Variants in CPNE4 observed in about 807,000 individuals in gnomAD.
CPNE4 encodes copine 4.
Under a neutral mutation model 67.9 loss-of-function variants are expected in CPNE4, and 25 were observed. That is an observed-to-expected ratio of 0.37 (90% CI 0.27 to 0.51). The LOEUF (loss-of-function observed/expected upper bound fraction) is 0.51, where lower values mean the gene tolerates loss of function less well. Among genes scored for constraint, CPNE4 ranks in the 20% least tolerant of loss-of-function variants. The pLI is 0.93. For missense variants in CPNE4, 464 were observed against 690.8 expected, an observed-to-expected ratio of 0.67 and a Z score of 3.68; for synonymous variants, 242 against 244.9, an observed-to-expected ratio of 0.99 and a Z score of 0.11.
At chr3:132,009,824 A>G (rs1023838709) in intron 1 of CPNE4, among the ~76,000 whole-genome samples, 6 of 152,226 alleles carry the variant, frequency 3.9e-5, no homozygotes, top group Admixed American at 3.3e-4. Context: ...GTTGTTAACA[A>G]CTGAGTTGGG....
chr3:131,945,398 G>A (rs1314201186), intron 1 of CPNE4, among the ~76,000 whole-genome samples: 7 of 152,158 alleles, frequency 4.6e-5, no homozygotes, highest in African/African-American at 1.4e-4. Context: ...TATACCTTCT[G>A]ATCCATACCA....
At chr3:131,906,077 AG>A (rs911637281) in intron 1 of CPNE4, among the ~76,000 whole-genome samples, 4 of 152,252 alleles carry the variant, frequency 2.6e-5, no homozygotes, top group African/African-American at 9.6e-5. Flanking sequence ...CAGAATCAAA[AG>A]GGGGAAAGTG....
chr3:131,738,054 A>T (rs2082278654), intron 2 of CPNE4, among the ~76,000 whole-genome samples: 2 of 151,666 alleles, frequency 1.3e-5, no homozygotes, highest in African/African-American at 4.9e-5. Flanking sequence ...ATCCTAATGC[A>T]TAGAGTCCAG....
At chr3:131,935,904 A>T (rs2071205321) in intron 1 of CPNE4, among the ~76,000 whole-genome samples, 1 of 152,038 alleles carries the variant, frequency 6.6e-6, no homozygotes, top group Non-Finnish European at 1.5e-5. Flanking sequence ...TATAGAGGAT[A>T]TGTGGATTCA....
chr3:131,745,823 C>A (rs1023597694), intron 2 of CPNE4, among the ~76,000 whole-genome samples: 2 of 152,098 alleles, frequency 1.3e-5, no homozygotes, highest in African/African-American at 4.8e-5. Flanking sequence ...TGAGACAGAG[C>A]AAACTAATTC....
intron 2 of CPNE4, among the ~76,000 whole-genome samples, chr3:131,841,967 G>C (rs1028623699): frequency 6.6e-6 from 1 of 152,168 alleles, no homozygotes; most frequent in African/African-American, 2.4e-5. Context: ...TAAAACAGCA[G>C]TGCTGAAACA....
At chr3:131,656,269 G>C (rs2079962835) in intron 7 of CPNE4, among the ~76,000 whole-genome samples, 1 of 152,100 alleles carries the variant, frequency 6.6e-6, no homozygotes. Context: ...GAAGTTCTCT[G>C]AGACATGACA....
At chr3:131,839,774 G>A (rs1451565402) in intron 2 of CPNE4, among the ~76,000 whole-genome samples, 3 of 152,118 alleles carry the variant, frequency 2.0e-5, no homozygotes, top group Admixed American at 2.0e-4. Flanking sequence ...TGAAAGTGAA[G>A]AGAACTGGCA....
At chr3:131,686,632 G>C (rs533214391) in intron 5 of CPNE4, among the ~76,000 whole-genome samples, 25 of 152,298 alleles carry the variant, frequency 1.6e-4, no homozygotes, top group African/African-American at 5.3e-4. Flanking sequence ...CTTGGGTATA[G>C]TCCTAAAAGG....
chr3:132,037,736 T>C (rs2107711480), upstream of CPNE4: 4 of 740,670 alleles, frequency 5.4e-6, no homozygotes, highest in Non-Finnish European at 9.2e-6. Flanking sequence ...AGAGGAGGCA[T>C]CCGCTCAGTG....
At chr3:131,820,490 C>T (rs1026747) in intron 2 of CPNE4, among the ~76,000 whole-genome samples, 32,812 of 152,184 alleles carry the variant, frequency 0.22, 3,822 homozygotes, top group Admixed American at 0.33. Flanking sequence ...GCCAGTTAAC[C>T]GCATTCTCAG....
chr3:131,584,593 G>A (rs953736573), intron 8 of CPNE4, among the ~76,000 whole-genome samples: 2 of 151,886 alleles, frequency 1.3e-5, no homozygotes, highest in African/African-American at 4.8e-5. Flanking sequence ...GATCTCCCTT[G>A]TCTCTCTTTA....
At chr3:131,681,544 C>T (rs1430620906) in intron 6 of CPNE4, among the ~76,000 whole-genome samples, 1 of 152,014 alleles carries the variant, frequency 6.6e-6, no homozygotes, top group Non-Finnish European at 1.5e-5. Flanking sequence ...TTCTCTTATT[C>T]CTTTTAGGAT....
In CPNE4 at chr3:132,034,721, C is replaced by A; in HGVS notation, c.-156G>T. 1.0e-6 allele frequency: 1 copy of A among 985,200 alleles called. No individual in the cohort carries two copies. The highest frequency in any genetic ancestry group is 1.2e-6 in the Non-Finnish European group (1 of 830,024). 61.0% of individuals were successfully genotyped at this position (985,200 alleles called of 1,614,324 possible). A position where few individuals can be genotyped will look rare whatever the true frequency, so the allele number is the denominator to read the frequency against. ...GCGTCGCACCTCCTTCCCCTCTCGTCCTCCGAGGTCAGTTTAGCAACAGCG... is the reference window on the plus strand; with the variant it reads ...GCGTCGCACCTCCTTCCCCTCTCGTACTCCGAGGTCAGTTTAGCAACAGCG... On this transcript the variant is annotated 5_prime_UTR_variant, in exon 1 of 16. Coordinates refer to ENST00000429747, the MANE Select transcript of CPNE4 (RefSeq NM_130808.3).
intron 2 of CPNE4, among the ~76,000 whole-genome samples, chr3:131,853,643 A>G (rs989283284): frequency 6.6e-6 from 1 of 151,946 alleles, no homozygotes; most frequent in Non-Finnish European, 1.5e-5. Flanking sequence ...AGGCCATTGA[A>G]TCAATATTTG....
intron 2 of CPNE4, among the ~76,000 whole-genome samples, chr3:131,859,320 C>A (rs2086581531): frequency 6.6e-6 from 1 of 152,144 alleles, no homozygotes; most frequent in South Asian, 2.1e-4. Context: ...GGCTGGGCTC[C>A]TTATCTTGTT....
At chr3:131,817,816 G>T (rs1230950185) in intron 2 of CPNE4, among the ~76,000 whole-genome samples, 1 of 152,180 alleles carries the variant, frequency 6.6e-6, no homozygotes, top group Admixed American at 6.6e-5. Flanking sequence ...ATACAGAAAA[G>T]TCTTGTCCTA....
intron 7 of CPNE4, among the ~76,000 whole-genome samples, chr3:131,612,093 G>A (rs1165080764): frequency 6.6e-6 from 1 of 152,144 alleles, no homozygotes; most frequent in African/African-American, 2.4e-5. Flanking sequence ...ATAAAAATGG[G>A]CTGGGTGCAG....
At chr3:131,566,581 T>C (rs938154152) in intron 10 of CPNE4, among the ~76,000 whole-genome samples, 5 of 151,896 alleles carry the variant, frequency 3.3e-5, no homozygotes, top group African/African-American at 9.7e-5. Flanking sequence ...CTCAACAAGA[T>C]AGAGATCCAA....
Sources: gnomAD v4.1 joint callset for allele counts (sites outside exome capture counted in the v4.1 genomes callset) on GRCh38, gnomAD v4.1.1 for gene constraint, MANE v1.5 for transcripts, NCBI Gene and HGNC (gene_info 2026-07-23, HGNC 2026-07-21) for gene names.